CCZ1: variants seen among roughly 807,000 people sequenced by gnomAD.
The protein encoded by CCZ1 is vacuolar fusion protein CCZ1 homolog.
CCZ1 carries 19 observed loss-of-function variants against 57.8 expected under a neutral mutation model. That is an observed-to-expected ratio of 0.33 (90% CI 0.23 to 0.48). The LOEUF is 0.48. Ranked by LOEUF, CCZ1 falls within the 20% of genes least tolerant of loss-of-function variation. The pLI is 0.99. For synonymous variants in CCZ1, 81 were observed against 167.0 expected, an observed-to-expected ratio of 0.49 and a Z score of 3.97; for missense variants, 200 against 492.0, an observed-to-expected ratio of 0.41 and a Z score of 5.61.
chr7:5,907,052 G>C lies in CCZ1; in HGVS notation c.698+1783G>C, dbSNP rs569782429. 1.3e-3 allele frequency among the ~76,000 whole-genome samples: 199 copies of C among 148,924 alleles called. 18 individuals are homozygous for C. Among genetic ancestry groups the C allele is most frequent in the African/African-American group, 4.2e-3 (169 of 40,262 alleles). ...CCAGCTAATTTTTTTGTAGAGATGG[G>C]GTTTTACCATGTTGGCCAGGCTGGT... On this transcript the variant is annotated intron_variant, in intron 7 of 14. Coordinates refer to ENST00000325974, the MANE Select transcript of CCZ1 (RefSeq NM_015622.6).
rs1240472984 is a variant in CCZ1, at chr7:5,899,721, T to C, written c.121-563T>C. The stretch of plus-strand genomic sequence containing the variant: ...GATTGAGGCTGCAGGTGAGCTGTAA[T>C]AGCGCCACTGCACTACAGCCTGGGC... On this transcript the variant is annotated intron_variant, in intron 1 of 14. Transcript: ENST00000325974. Among the ~76,000 whole-genome samples the C allele has an allele frequency of 4.0e-5, 6 of 150,492 alleles. No homozygotes were observed. In the East Asian group the frequency reaches 1.2e-3, roughly 29 times the overall value.
chr7:5,914,384 T>A (rs1779108009), intron 10 of CCZ1, among the ~76,000 whole-genome samples: 1 of 148,936 alleles, frequency 6.7e-6, no homozygotes, highest in East Asian at 2.2e-4. Flanking sequence ...TGCAATGAGC[T>A]ATGATCACAC....
intron 5 of CCZ1, chr7:5,902,297 CAA>C (rs66782236): frequency 0.15 from 22,585 of 152,764 alleles, 662 homozygotes; most frequent in South Asian, 0.18. Context: ...GATTCCATCT[CAA>C]AAAAAAAAAA....
chr7:5,904,129 G>C (rs1269935462), intron 6 of CCZ1, among the ~76,000 whole-genome samples: 1 of 79,274 alleles, frequency 1.3e-5, no homozygotes, highest in Non-Finnish European at 2.3e-5. Flanking sequence ...TCTTACTCTT[G>C]TCACCCAGGC....
chr7:5,915,184 TGA>T (rs1779125113), intron 10 of CCZ1, among the ~76,000 whole-genome samples: 1 of 149,020 alleles, frequency 6.7e-6, no homozygotes, highest in Non-Finnish European at 1.5e-5. Flanking sequence ...ATGGTGTGCT[TGA>T]GAGTCACTTA....
chr7:5,912,986 T>C, intron 10 of CCZ1, 32 bp downstream of exon 10: 2 of 1,608,600 alleles, frequency 1.2e-6, no homozygotes, highest in South Asian at 1.1e-5. Flanking sequence ...GCGTTAATGA[T>C]TGTGCTGAAG....
chr7:5,901,727 A>C (rs1345275520), intron 5 of CCZ1, 23 bp downstream of exon 5: 5 of 1,597,850 alleles, frequency 3.1e-6, no homozygotes, highest in Admixed American at 3.4e-5. Flanking sequence ...TTCTTTCTCA[A>C]CTCAGAGTCC....
intron 8 of CCZ1, 129 bp from the exon 9 acceptor site, chr7:5,911,732 A>G (rs1392022337): frequency 1.4e-5 from 18 of 1,276,140 alleles, no homozygotes; most frequent in Non-Finnish European, 1.9e-5. Flanking sequence ...GGGCAACAGA[A>G]CAAGATCCTG....
chr7:5,925,450 G>C, intron 14 of CCZ1, 182 bp from the exon 15 acceptor site: 1 of 569,248 alleles, frequency 1.8e-6, no homozygotes. Flanking sequence ...CTGGGTGACA[G>C]AGCAAGACTC....
intron 10 of CCZ1, among the ~76,000 whole-genome samples, chr7:5,914,656 C>T (rs1380200360): frequency 3.9e-5 from 5 of 127,884 alleles, no homozygotes; most frequent in Admixed American, 1.5e-4. Context: ...GGGCGGATCA[C>T]CTGAGGTCTG....
intron 9 of CCZ1, among the ~76,000 whole-genome samples, chr7:5,912,252 G>C (rs2711206): frequency 0.89 from 115,179 of 129,054 alleles, 51,613 homozygotes; most frequent in Middle Eastern, 0.98. Flanking sequence ...TCCACCATGC[G>C]TGGCCTATTA....
At chr7:5,913,975 G>C (rs1779101323) in intron 10 of CCZ1, among the ~76,000 whole-genome samples, 1 of 133,580 alleles carries the variant, frequency 7.5e-6, no homozygotes, top group African/African-American at 2.7e-5. Context: ...AGACAGAACT[G>C]AGACCTTCAT....
intron 8 of CCZ1, among the ~76,000 whole-genome samples, chr7:5,910,990 C>G (rs1781965343): frequency 6.7e-6 from 1 of 148,570 alleles, no homozygotes; most frequent in Non-Finnish European, 1.5e-5. Flanking sequence ...CCCGCCACAG[C>G]CTTCCAAAGT....
At chr7:5,906,231 A>AGAGT (rs1416602173) in intron 7 of CCZ1, among the ~76,000 whole-genome samples, 1 of 147,744 alleles carries the variant, frequency 6.8e-6, no homozygotes, top group East Asian at 2.3e-4. Context: ...CATTTGGCCT[A>AGAGT]GAGTAGGTGG....
At chr7:5,907,033 A>G (rs1781846017) in intron 7 of CCZ1, among the ~76,000 whole-genome samples, 1 of 148,372 alleles carries the variant, frequency 6.7e-6, no homozygotes, top group Non-Finnish European at 1.5e-5. Flanking sequence ...ACACCCAGCT[A>G]ATTTTTTTGT....
Position 5,919,802 on chromosome 7 carries a change from G to A in CCZ1, c.989-47G>A, listed in dbSNP as rs116538166. 1.7e-3 allele frequency: 2,810 copies of A among 1,611,622 alleles called. 1 individual carries two copies. The highest frequency in any genetic ancestry group is 0.016 in the African/African-American group (1,224 of 74,626). On this transcript the variant is annotated intron_variant, in intron 11 of 14. Coordinates refer to ENST00000325974, the MANE Select transcript of CCZ1 (RefSeq NM_015622.6). ...CGTTTGAATACTGTTGTTCAGCGTC[G>A]CACAGTAAAATGAATCTTACTGGTA...
At position 5,911,277 on chromosome 7, in the gene CCZ1, G is replaced by A. The variant is rs578034466; in HGVS notation, c.781-584G>A. Among the ~76,000 whole-genome samples the A allele has an allele frequency of 5.1e-4, 76 of 148,768 alleles. 9 individuals carry two copies. In the South Asian group the frequency reaches 0.013, roughly 26 times the overall value. On this transcript the variant is annotated intron_variant, in intron 8 of 14. Transcript: ENST00000325974. Reference sequence around the variant, plus strand: ...GAGCTTAACATACAAAAATCATTTTGGCTCAGTTGAACTCACTCTCTTCGC... The same window carrying A: ...GAGCTTAACATACAAAAATCATTTTAGCTCAGTTGAACTCACTCTCTTCGC...
chr7:5,900,428 T>G (rs1320973861), intron 2 of CCZ1, 45 bp from the exon 3 acceptor site: 1 of 1,576,790 alleles, frequency 6.3e-7, no homozygotes, highest in Non-Finnish European at 8.6e-7. Context: ...TTCTTAAAAC[T>G]GCTGCTGGAG....
intron 2 of CCZ1, 26 bp downstream of exon 2, chr7:5,900,407 C>T: frequency 3.2e-6 from 5 of 1,551,272 alleles, no homozygotes; most frequent in South Asian, 1.2e-5. Flanking sequence ...GTGCTTTTAG[C>T]GTTCAGTGAA....
Sources: allele counts gnomAD v4.1 joint callset (sites outside exome capture counted in the v4.1 genomes callset), GRCh38; gene constraint gnomAD v4.1.1; transcripts MANE v1.5; gene names NCBI Gene and HGNC (gene_info 2026-07-23, HGNC 2026-07-21).